THSD4: variants seen among roughly 807,000 people sequenced by gnomAD.
THSD4 encodes the protein thrombospondin type-1 domain-containing protein 4.
Under a neutral mutation model 119.0 loss-of-function variants are expected in THSD4, and 69 were observed. The observed-to-expected ratio is 0.58, with a 90% CI of 0.48 to 0.71. THSD4 has a LOEUF of 0.71. Ranked by LOEUF, THSD4 falls within the 30% of genes least tolerant of loss-of-function variation. The pLI is 0.00. For synonymous variants in THSD4, 524 were observed against 540.4 expected (o/e 0.97, Z 0.42); for missense variants, 1,393 against 1,391.1 (o/e 1.00, Z -0.02).
At chr15:71,430,618 G>C (rs549286952) in intron 7 of THSD4, among the ~76,000 whole-genome samples, 1 of 151,814 alleles carries the variant, frequency 6.6e-6, no homozygotes, top group Admixed American at 6.6e-5. Context: ...TTAGCTGGGC[G>C]TGGTGGTGCC....
intron 7 of THSD4, among the ~76,000 whole-genome samples, chr15:71,503,856 ATCC>A (rs748616656): frequency 1.3e-5 from 2 of 152,194 alleles, no homozygotes; most frequent in Non-Finnish European, 2.9e-5. Context: ...CCTGGAGCCA[ATCC>A]TCCTAACTTT....
chr15:71,133,142 A>C (rs1042398092), intron 1 of THSD4, among the ~76,000 whole-genome samples: 1 of 152,128 alleles, frequency 6.6e-6, no homozygotes, highest in Non-Finnish European at 1.5e-5. Flanking sequence ...TGCTGGGAAG[A>C]GGTTGAGTCT....
At chr15:71,556,219 A>G (rs1220644920) in intron 7 of THSD4, among the ~76,000 whole-genome samples, 1 of 152,216 alleles carries the variant, frequency 6.6e-6, no homozygotes, top group Non-Finnish European at 1.5e-5. Flanking sequence ...CTATAGATCA[A>G]TATGAGAACA....
chr15:71,572,143 A>G (rs2049370018), intron 7 of THSD4, among the ~76,000 whole-genome samples: 1 of 152,234 alleles, frequency 6.6e-6, no homozygotes. Flanking sequence ...CTACCACAAC[A>G]AGCTTATTGT....
chr15:71,773,107 A>G (rs1444925970), intron 17 of THSD4, among the ~76,000 whole-genome samples: 1 of 148,698 alleles, frequency 6.7e-6, no homozygotes, highest in Non-Finnish European at 1.5e-5. Flanking sequence ...AAGCTGAGGT[A>G]GGAGGATCAC....
intron 6 of THSD4, among the ~76,000 whole-genome samples, chr15:71,354,720 G>A (rs1012940416): frequency 6.6e-6 from 1 of 152,064 alleles, no homozygotes; most frequent in Non-Finnish European, 1.5e-5. Flanking sequence ...TGTGGTTTTG[G>A]GCATGCCACA....
At chr15:71,398,794 C>T (rs1234018312) in intron 6 of THSD4, among the ~76,000 whole-genome samples, 4 of 152,010 alleles carry the variant, frequency 2.6e-5, no homozygotes, top group Non-Finnish European at 5.9e-5. Context: ...TGCAGTTCTG[C>T]ACAGGTTTCA....
At chr15:71,457,379 CAAAAAAA>C (rs10708714) in intron 7 of THSD4, among the ~76,000 whole-genome samples, 4 of 50,586 alleles carry the variant, frequency 7.9e-5, no homozygotes, top group African/African-American at 2.3e-4. Context: ...GATCTCGCCT[CAAAAAAA>C]AAAAAAAAAA....
At chr15:71,622,972 G>A (rs910129759) in intron 7 of THSD4, among the ~76,000 whole-genome samples, 3 of 152,136 alleles carry the variant, frequency 2.0e-5, no homozygotes, top group Non-Finnish European at 4.4e-5. Flanking sequence ...ATGTTCCAAG[G>A]ACAAGGAAGA....
At chr15:71,477,298 C>T (rs1021490867) in intron 7 of THSD4, among the ~76,000 whole-genome samples, 24 of 152,168 alleles carry the variant, frequency 1.6e-4, no homozygotes, top group African/African-American at 5.5e-4. Flanking sequence ...CATAAACAGA[C>T]TGCTAGTAAA....
At chr15:71,266,443 A>C (rs2140299270) in intron 6 of THSD4, among the ~76,000 whole-genome samples, 1 of 152,246 alleles carries the variant, frequency 6.6e-6, no homozygotes, top group Non-Finnish European at 1.5e-5. Context: ...CCACGCAAAA[A>C]CCACATATGA....
intron 4 of THSD4, among the ~76,000 whole-genome samples, chr15:71,224,672 G>A (rs1415435967): frequency 3.3e-5 from 5 of 152,166 alleles, no homozygotes; most frequent in African/African-American, 1.2e-4. Flanking sequence ...ACTCCTTCTG[G>A]GGGCTTTGAG....
chr15:71,761,262 T>C (rs2053623124), intron 15 of THSD4, among the ~76,000 whole-genome samples: 1 of 152,146 alleles, frequency 6.6e-6, no homozygotes, highest in Non-Finnish European at 1.5e-5. Context: ...AGATTCAAAT[T>C]TTTAGCACAG....
At chr15:71,666,915 G>A (rs1412778766) in intron 8 of THSD4, among the ~76,000 whole-genome samples, 1 of 152,206 alleles carries the variant, frequency 6.6e-6, no homozygotes, top group African/African-American at 2.4e-5. Context: ...CTCCTAGGAG[G>A]AGTGGCCTAT....
intron 7 of THSD4, among the ~76,000 whole-genome samples, chr15:71,554,572 G>C (rs2048989177): frequency 6.6e-6 from 1 of 152,092 alleles, no homozygotes; most frequent in South Asian, 2.1e-4. Flanking sequence ...ACTTTTTGTA[G>C]AGACAGGGTC....
intron 7 of THSD4, among the ~76,000 whole-genome samples, chr15:71,475,228 A>T (rs1454853155): frequency 6.6e-6 from 1 of 152,182 alleles, no homozygotes; most frequent in Non-Finnish European, 1.5e-5. Context: ...TGTCTCATGA[A>T]CCTTTGTTTA....
intron 2 of THSD4, among the ~76,000 whole-genome samples, chr15:71,144,989 G>C (rs2040642755): frequency 6.6e-6 from 1 of 151,904 alleles, no homozygotes; most frequent in South Asian, 2.1e-4. Flanking sequence ...GTTTCTTAAA[G>C]ACTTGCTCCA....
chr15:71,621,924 A>G (rs2050425160), intron 7 of THSD4, among the ~76,000 whole-genome samples: 1 of 152,232 alleles, frequency 6.6e-6, no homozygotes, highest in South Asian at 2.1e-4. Context: ...TGCTTGATTT[A>G]TCAAGACTTC....
chr15:71,427,410 T>C (rs1441352), intron 7 of THSD4, among the ~76,000 whole-genome samples: 3 of 151,312 alleles, frequency 2.0e-5, no homozygotes, highest in African/African-American at 7.3e-5. Context: ...CAACAAATAT[T>C]ATGATGAATG....
Sources: gnomAD v4.1 joint callset for allele counts (sites outside exome capture counted in the v4.1 genomes callset) on GRCh38, gnomAD v4.1.1 for gene constraint, MANE v1.5 for transcripts, NCBI Gene and HGNC (gene_info 2026-07-23, HGNC 2026-07-21) for gene names.